The following NALF1 variants were observed in gnomAD, a reference collection of about 807,000 sequenced individuals.
The protein encoded by NALF1 is NALCN channel auxiliary factor 1, also known as family with sequence similarity 155 member A.
In NALF1, 3 loss-of-function variants were observed where a neutral mutation model predicts 48.4. The ratio of observed to expected loss-of-function variants is 0.06; its 90% CI spans 0.03 to 0.16. NALF1 has a LOEUF of 0.16. NALF1 is among the 10% of genes least tolerant of loss of function. NALF1 has a pLI of 1.00. For missense variants in NALF1, 526 were observed against 571.5 expected (o/e 0.92, Z 0.81); for synonymous variants, 262 against 245.7 (o/e 1.07, Z -0.62).
At chr13:107,721,226 C>A (rs1319978723) in intron 1 of NALF1, among the ~76,000 whole-genome samples, 1 of 151,774 alleles carries the variant, frequency 6.6e-6, no homozygotes, top group Non-Finnish European at 1.5e-5. Flanking sequence ...GTATCATGCA[C>A]CAAATTGTAT....
chr13:107,769,544 G>A (rs548557945), intron 1 of NALF1, among the ~76,000 whole-genome samples: 1 of 112,272 alleles, frequency 8.9e-6, no homozygotes, highest in African/African-American at 3.4e-5. Context: ...CTGTTGTGGG[G>A]TGGGGGGAGG....
At chr13:107,422,529 T>A (rs1884206349) in intron 1 of NALF1, among the ~76,000 whole-genome samples, 1 of 152,014 alleles carries the variant, frequency 6.6e-6, no homozygotes, top group Admixed American at 6.6e-5. Context: ...TGGGCCCAAG[T>A]AGGGTCGGTT....
chr13:107,786,416 CA>C (rs34857705), intron 1 of NALF1, among the ~76,000 whole-genome samples: 830 of 29,720 alleles, frequency 0.028, 9 homozygotes, highest in African/African-American at 0.095. Context: ...AACTCTTTCT[CA>C]AAAAAAAAAA....
chr13:107,828,198 A>G (rs1386779110), intron 1 of NALF1, among the ~76,000 whole-genome samples: 1 of 152,140 alleles, frequency 6.6e-6, no homozygotes, highest in Non-Finnish European at 1.5e-5. Flanking sequence ...TTGAAAAAAA[A>G]TTTTACGAGT....
At chr13:107,201,551 TG>T (rs1271719938) in intron 2 of NALF1, among the ~76,000 whole-genome samples, 2 of 151,924 alleles carry the variant, frequency 1.3e-5, no homozygotes, top group African/African-American at 4.8e-5. Context: ...CACTCCAGCC[TG>T]GGTGACAGAG....
intron 2 of NALF1, among the ~76,000 whole-genome samples, chr13:107,198,477 C>T (rs1470784708): frequency 1.3e-5 from 2 of 152,240 alleles, no homozygotes; most frequent in Admixed American, 6.5e-5. Context: ...TGAGCTCCCT[C>T]GATGCCTTTG....
chr13:107,635,275 C>T (rs576786423), intron 1 of NALF1, among the ~76,000 whole-genome samples: 3 of 152,054 alleles, frequency 2.0e-5, no homozygotes, highest in South Asian at 2.1e-4. Context: ...CCTCATGGCT[C>T]GGGAGGCCTC....
chr13:107,419,273 T>C (rs888009607), intron 1 of NALF1, among the ~76,000 whole-genome samples: 1 of 152,256 alleles, frequency 6.6e-6, no homozygotes, highest in African/African-American at 2.4e-5. Flanking sequence ...CCAAATTATA[T>C]ACGTTTAAAG....
At chr13:107,850,454 A>G (rs1228840786) in intron 1 of NALF1, among the ~76,000 whole-genome samples, 1 of 152,222 alleles carries the variant, frequency 6.6e-6, no homozygotes, top group East Asian at 1.9e-4. Flanking sequence ...TATAAGTAAT[A>G]GACTTTACAT....
intron 1 of NALF1, among the ~76,000 whole-genome samples, chr13:107,484,336 T>G (rs895831089): frequency 6.6e-5 from 10 of 152,154 alleles, no homozygotes; most frequent in African/African-American, 2.4e-4. Flanking sequence ...TCTGGCAAAT[T>G]ACTCTGGGGA....
chr13:107,432,153 C>T (rs1884393653), intron 1 of NALF1, among the ~76,000 whole-genome samples: 1 of 152,098 alleles, frequency 6.6e-6, no homozygotes, highest in Non-Finnish European at 1.5e-5. Flanking sequence ...GGGGAGCAGG[C>T]ATCTCACTTG....
intron 2 of NALF1, among the ~76,000 whole-genome samples, chr13:107,181,430 G>A (rs1467568272): frequency 1.3e-5 from 2 of 151,290 alleles, no homozygotes; most frequent in East Asian, 1.9e-4. Flanking sequence ...TTTTGTAATT[G>A]TATTTTATAT....
At chr13:107,829,672 T>C (rs1300103567) in intron 1 of NALF1, among the ~76,000 whole-genome samples, 1 of 152,078 alleles carries the variant, frequency 6.6e-6, no homozygotes, top group Non-Finnish European at 1.5e-5. Flanking sequence ...GAACAATTTA[T>C]GAAAAAAAGA....
chr13:107,417,965 G>T (rs1304290350), intron 1 of NALF1, among the ~76,000 whole-genome samples: 1 of 152,154 alleles, frequency 6.6e-6, no homozygotes, highest in Non-Finnish European at 1.5e-5. Context: ...GGAGGCTAAG[G>T]CAGGAGAATC....
chr13:107,686,338 T>C (rs930856182), intron 1 of NALF1, among the ~76,000 whole-genome samples: 5 of 152,084 alleles, frequency 3.3e-5, no homozygotes, highest in Admixed American at 2.6e-4. Context: ...ATCAAGCAAC[T>C]GTATGTTTTT....
intron 1 of NALF1, among the ~76,000 whole-genome samples, chr13:107,815,358 A>G (rs1423818878): frequency 6.6e-6 from 1 of 152,190 alleles, no homozygotes; most frequent in Non-Finnish European, 1.5e-5. Context: ...TGATCTGAAT[A>G]GAAACTTTTT....
chr13:107,555,889 A>G (rs1877458430), intron 1 of NALF1, among the ~76,000 whole-genome samples: 1 of 152,138 alleles, frequency 6.6e-6, no homozygotes, highest in African/African-American at 2.4e-5. Flanking sequence ...CCAGCAAAAA[A>G]GATAATATTT....
intron 1 of NALF1, among the ~76,000 whole-genome samples, chr13:107,392,090 G>T (rs1040538891): frequency 3.3e-5 from 5 of 152,068 alleles, no homozygotes; most frequent in African/African-American, 1.2e-4. Context: ...ATTTGAAATT[G>T]TGACTGCTCC....
chr13:107,785,263 T>C (rs1878038763), intron 1 of NALF1, among the ~76,000 whole-genome samples: 1 of 152,102 alleles, frequency 6.6e-6, no homozygotes, highest in Non-Finnish European at 1.5e-5. Flanking sequence ...GTAGGATTAC[T>C]ATGTGCTGAT....
Sources: gnomAD v4.1 joint callset for allele counts (sites outside exome capture counted in the v4.1 genomes callset) on GRCh38, gnomAD v4.1.1 for gene constraint, MANE v1.5 for transcripts, NCBI Gene and HGNC (gene_info 2026-07-23, HGNC 2026-07-21) for gene names.